The following TRIO variants were observed in gnomAD, a reference collection of about 807,000 sequenced individuals.
TRIO encodes the protein triple functional domain protein.
In TRIO, 58 loss-of-function variants were observed where a neutral mutation model predicts 351.9. The observed-to-expected ratio is 0.16, with a 90% CI of 0.13 to 0.21. The LOEUF (loss-of-function observed/expected upper bound fraction) is 0.21. Among genes scored for constraint, TRIO ranks in the 10% least tolerant of loss-of-function variants. The pLI is 1.00. For missense variants in TRIO, 3,201 were observed against 4,027.8 expected (o/e 0.79, Z 5.56); for synonymous variants, 1,758 against 1,595.7 (o/e 1.10, Z -2.42).
intron 1 of TRIO, among the ~76,000 whole-genome samples, chr5:14,260,528 A>G (rs1795284798): frequency 6.6e-6 from 1 of 152,258 alleles, no homozygotes; most frequent in Admixed American, 6.5e-5. Flanking sequence ...ACTGACTGGC[A>G]GAAAGTTTTG....
chr5:14,442,091 A>G (rs1422242296), intron 34 of TRIO, among the ~76,000 whole-genome samples: 2 of 152,088 alleles, frequency 1.3e-5, no homozygotes, highest in Non-Finnish European at 2.9e-5. Context: ...TGTTTCAGTA[A>G]CCTTTGACAG....
chr5:14,370,145 G>C (rs548315362), intron 18 of TRIO, among the ~76,000 whole-genome samples: 1 of 149,480 alleles, frequency 6.7e-6, no homozygotes, highest in Non-Finnish European at 1.5e-5. Flanking sequence ...TTAATTCAGC[G>C]AAGGGGTCTC....
intron 1 of TRIO, among the ~76,000 whole-genome samples, chr5:14,251,885 G>A (rs1794765377): frequency 6.6e-6 from 1 of 151,592 alleles, no homozygotes. Context: ...GGAGGCTGAG[G>A]TAGAGGTGAC....
chr5:14,212,841 T>C (rs140282015), intron 1 of TRIO, among the ~76,000 whole-genome samples: 92 of 152,218 alleles, frequency 6.0e-4, no homozygotes, highest in Admixed American at 5.9e-3. Context: ...TCATGACTTA[T>C]ATTTGTATAG....
intron 1 of TRIO, among the ~76,000 whole-genome samples, chr5:14,154,499 A>T (rs1015869612): frequency 1.3e-5 from 2 of 152,036 alleles, no homozygotes; most frequent in Admixed American, 1.3e-4. Context: ...GATGATATTT[A>T]GTTGGGGGAA....
chr5:14,345,106 A>T (rs544468724), intron 11 of TRIO, among the ~76,000 whole-genome samples: 2 of 152,100 alleles, frequency 1.3e-5, no homozygotes, highest in African/African-American at 4.8e-5. Flanking sequence ...AAAACGCTAC[A>T]TTTTTTTTCT....
chr5:14,504,429 A>G lies in TRIO; in HGVS notation c.8448A>G (p.Lys2816=), dbSNP rs981802669. The change falls in exon 55 of 57, where the codon AAA becomes AAG. Residue 2816 remains lysine (K), a synonymous_variant. Coordinates refer to ENST00000344204, the MANE Select transcript of TRIO (RefSeq NM_007118.4). ...CTGTCGTTAAGAAATGTGATCAGAA[A>G]GGAACCAAGCGAGCAGTGGCCACTA... is the stretch of plus-strand genomic sequence containing the variant. ...RFSVVKKCDQ[K]GTKRAVATKF... The G allele has an allele frequency of 2.5e-6, 4 of 1,614,198 alleles. No homozygotes were observed. Among genetic ancestry groups the G allele is most frequent in the Non-Finnish European group, 3.4e-6 (4 of 1,180,026 alleles).
Position 14,359,384 on chromosome 5 carries a change from C to G in TRIO, c.2244C>G (p.Thr748=). ...ACTCTGCCATCTCCAGTAACAAGAC[C>G]CCCCACAACAGCTCCATCAACCACA... ...LRDSAISSNK[T]PHNSSINHIE... Residue 748 remains threonine, a synonymous_variant, in exon 13 of 57, where the codon ACC becomes ACG. Transcript: ENST00000344204. 5 of 1,613,776 alleles carry G rather than the reference C, an allele frequency of 3.1e-6. No individual in the cohort carries two copies. The highest frequency in any genetic ancestry group is 4.2e-6 in the Non-Finnish European group (5 of 1,179,640).
At position 14,359,353 on chromosome 5, in the gene TRIO, G is replaced by C; in HGVS notation, c.2217-4G>C. 1 of 1,610,458 alleles carries C rather than the reference G, an allele frequency of 6.2e-7. No individual in the cohort carries two copies. The highest frequency in any genetic ancestry group is 8.5e-7 in the Non-Finnish European group (1 of 1,176,984). Reference sequence around the variant, plus strand: ...AATTCCTGTTCCTCTGTGTGCTCTCGCAGGGACTCTGCCATCTCCAGTAAC... The same window carrying C: ...AATTCCTGTTCCTCTGTGTGCTCTCCCAGGGACTCTGCCATCTCCAGTAAC... On this transcript the variant is annotated splice_region_variant and splice_polypyrimidine_tract_variant and intron_variant, in intron 12 of 56. Coordinates refer to ENST00000344204, the MANE Select transcript of TRIO (RefSeq NM_007118.4).
At chr5:14,287,432 A>T (rs1736545478) in intron 4 of TRIO, among the ~76,000 whole-genome samples, 1 of 152,160 alleles carries the variant, frequency 6.6e-6, no homozygotes, top group South Asian at 2.1e-4. Context: ...AGCCCTGGAG[A>T]TGAGGGAATG....
intron 1 of TRIO, among the ~76,000 whole-genome samples, chr5:14,168,297 G>T (rs937374829): frequency 2.0e-5 from 3 of 152,214 alleles, no homozygotes; most frequent in African/African-American, 7.2e-5. Context: ...TTTATGTGCT[G>T]TTCACACAGC....
intron 9 of TRIO, among the ~76,000 whole-genome samples, chr5:14,326,717 C>T (rs745822136): frequency 3.9e-5 from 6 of 152,160 alleles, no homozygotes; most frequent in Non-Finnish European, 8.8e-5. Flanking sequence ...GTGCAGCTGG[C>T]TGGACTGGAT....
chr5:14,481,332 T>C (rs772781854), intron 44 of TRIO, 48 bp downstream of exon 44: 4 of 1,606,048 alleles, frequency 2.5e-6, no homozygotes, highest in Non-Finnish European at 8.5e-7. Context: ...CCAGCCTCTT[T>C]TCCTAATCCC....
chr5:14,507,797 C>A, intron 56 of TRIO, 83 bp from the exon 57 acceptor site: 1 of 1,503,502 alleles, frequency 6.7e-7, no homozygotes, highest in East Asian at 2.3e-5. Flanking sequence ...ATTCCTTCCA[C>A]CTCACCATAG....
intron 48 of TRIO, chr5:14,490,717 T>C: frequency 2.2e-6 from 1 of 449,966 alleles, no homozygotes; most frequent in Non-Finnish European, 4.5e-6. Context: ...GCCTAGTACA[T>C]AGGAGATGCC....
chr5:14,421,231 ATTTTATTTTAT>A lies in TRIO; in HGVS notation c.5203+1214_5203+1224del, dbSNP rs1326912392. The stretch of plus-strand genomic sequence containing the variant: ...CCCTTATTTAATTATTTATTTATTT[ATTTTATTTTAT>A]TTTATTTTATTTTATTTTATTTTAT... On this transcript the variant is annotated intron_variant, in intron 34 of 56. Transcript: ENST00000344204. 4.5e-3 allele frequency among the ~76,000 whole-genome samples: 335 copies of A among 74,126 alleles called. 1 individual carries two copies. Among genetic ancestry groups the A allele is most frequent in the Middle Eastern group, 8.6e-3 (1 of 116 alleles). 48.6% of individuals were successfully genotyped at this position (74,126 alleles called of 152,430 possible). A position where few individuals can be genotyped will look rare whatever the true frequency, so the allele number is the denominator to read the frequency against.
chr5:14,240,324 C>T (rs1794051462), intron 1 of TRIO, among the ~76,000 whole-genome samples: 1 of 152,056 alleles, frequency 6.6e-6, no homozygotes, highest in African/African-American at 2.4e-5. Context: ...TCTTTCAAAT[C>T]ATGAGCTTCT....
At position 14,399,043 on chromosome 5, in the gene TRIO, C is replaced by A; in HGVS notation, c.4587C>A (p.Ser1529Arg). 7 of 1,614,080 alleles carry A rather than the reference C, an allele frequency of 4.3e-6. No homozygotes were observed. Among genetic ancestry groups the A allele is most frequent in the Non-Finnish European group, 5.9e-6 (7 of 1,179,978 alleles). Reference sequence around the variant, plus strand: ...AAGTGAAAGATTCCAGTGGGAGAAGCAAGTACCTTTATAAAAGCAAATTGT... The same window carrying A: ...AAGTGAAAGATTCCAGTGGGAGAAGAAAGTACCTTTATAAAAGCAAATTGT... ...SKEVKDSSGR[S>R]KYLYKSKLFT... The change falls in exon 30 of 57, where the codon AGC becomes AGA. Residue 1529 changes from serine (S) to arginine (R), a missense_variant. By Grantham distance (110) the Ser-to-Arg change is moderately radical (BLOSUM62 -1). This residue lies in a region of TRIO where 136 missense variants were observed against 229.5 expected (regional missense o/e 0.59). Transcript: ENST00000344204.
chr5:14,277,766 G>A (rs1735669630), intron 2 of TRIO, among the ~76,000 whole-genome samples: 1 of 152,220 alleles, frequency 6.6e-6, no homozygotes, highest in African/African-American at 2.4e-5. Context: ...ACAGACACCT[G>A]TGTAGTTGAT....
Sources: gnomAD v4.1 joint callset for allele counts (sites outside exome capture counted in the v4.1 genomes callset) on GRCh38, gnomAD v4.1.1 for gene constraint, gnomAD v4.1.1 regional missense constraint, MANE v1.5 for transcripts, NCBI Gene and HGNC (gene_info 2026-07-23, HGNC 2026-07-21) for gene names.